GLIPR1L1: variants seen among roughly 807,000 people sequenced by gnomAD.
GLIPR1L1 encodes GLIPR1-like protein 1.
In GLIPR1L1, 26 loss-of-function variants were observed where a neutral mutation model predicts 29.9. The ratio of observed to expected loss-of-function variants is 0.87; its 90% CI spans 0.64 to 1.21. GLIPR1L1 has a LOEUF of 1.21. Ranked by LOEUF, GLIPR1L1 falls within the 50% of genes most tolerant of loss-of-function variation. GLIPR1L1 has a pLI of 0.00. For missense variants in GLIPR1L1, 305 were observed against 290.3 expected (o/e 1.05, Z -0.37); for synonymous variants, 77 against 97.5 (o/e 0.79, Z 1.24).
chr12:75,349,935 C>T (rs2042694000), intron 3 of GLIPR1L1, among the ~76,000 whole-genome samples: 1 of 152,228 alleles, frequency 6.6e-6, no homozygotes, highest in East Asian at 1.9e-4. Flanking sequence ...GATTTCCTTA[C>T]ATTGGACTCC....
chr12:75,338,475 T>C (rs1193079893), intron 1 of GLIPR1L1, among the ~76,000 whole-genome samples: 1 of 152,190 alleles, frequency 6.6e-6, no homozygotes, highest in Non-Finnish European at 1.5e-5. Flanking sequence ...ATGAAAACCA[T>C]TTGGTAAAAC....
intron 4 of GLIPR1L1, among the ~76,000 whole-genome samples, chr12:75,366,261 C>G (rs895514751): frequency 6.6e-6 from 1 of 152,010 alleles, no homozygotes; most frequent in African/African-American, 2.4e-5. Context: ...TATTTCAGAA[C>G]TTAAGCCATA....
intron 2 of GLIPR1L1, among the ~76,000 whole-genome samples, chr12:75,345,556 A>G: frequency 6.6e-6 from 1 of 152,154 alleles, no homozygotes; most frequent in Non-Finnish European, 1.5e-5. Context: ...GGTGCAGTGA[A>G]CAAATAATAG....
chr12:75,342,809 A>G (rs2042204127), intron 1 of GLIPR1L1, among the ~76,000 whole-genome samples: 1 of 152,040 alleles, frequency 6.6e-6, no homozygotes, highest in African/African-American at 2.4e-5. Flanking sequence ...TGAACATTTT[A>G]TATCTCTCCA....
Position 75,370,166 on chromosome 12 carries a change from G to A in GLIPR1L1, c.719G>A (p.Arg240Lys). ...NPFSLGFLLL[R>K]IF ...TTCAGCTTAGGTTTTCTTCTTCTGA[G>A]AATCTTTTAATGTCATTTATATACA... The change falls in exon 6 of 6, where the codon AGA becomes AAA. Residue 240 changes from arginine (R) to lysine (K), a missense_variant. By Grantham distance (26) the Arg-to-Lys change is conservative. Transcript: ENST00000378695. 2 of 1,534,136 alleles carry A rather than the reference G, an allele frequency of 1.3e-6. No homozygotes were observed. The highest frequency in any genetic ancestry group is 1.8e-6 in the Non-Finnish European group (2 of 1,109,752).
chr12:75,367,268 G>GAA (rs35250320), intron 4 of GLIPR1L1, among the ~76,000 whole-genome samples: 34 of 88,666 alleles, frequency 3.8e-4, no homozygotes, highest in South Asian at 8.3e-4. Flanking sequence ...TTCCTAGGAG[G>GAA]AAAAAAAAAA....
intron 1 of GLIPR1L1, among the ~76,000 whole-genome samples, chr12:75,342,184 C>T (rs1022739004): frequency 4.6e-5 from 7 of 152,180 alleles, no homozygotes; most frequent in African/African-American, 1.4e-4. Flanking sequence ...GGTGTTGAAA[C>T]AGTGCTGTAT....
intron 4 of GLIPR1L1, 165 bp from the exon 5 acceptor site, chr12:75,369,793 AAG>A: frequency 3.1e-6 from 3 of 982,320 alleles, no homozygotes; most frequent in Non-Finnish European, 1.2e-6. Flanking sequence ...AAGCATCGTA[AAG>A]AGTTTTAAGT....
chr12:75,341,881 TG>T (rs1296541339), intron 1 of GLIPR1L1, among the ~76,000 whole-genome samples: 7 of 151,496 alleles, frequency 4.6e-5, no homozygotes, highest in African/African-American at 1.7e-4. Context: ...CCTGAGTAGT[TG>T]GGATTACAAG....
At chr12:75,340,652 C>T (rs1182022373) in intron 1 of GLIPR1L1, among the ~76,000 whole-genome samples, 2 of 150,226 alleles carry the variant, frequency 1.3e-5, no homozygotes, top group African/African-American at 4.9e-5. Context: ...GGACAAACTA[C>T]AAACTAGGAG....
In GLIPR1L1 at chr12:75,345,488, C is replaced by T. The variant is rs914119868; in HGVS notation, c.420+1550C>T. ...GAGCTAACCTTCTTCTCTAGACTTA[C>T]CCATTTGTATAAGTTGAATTAATAT... is the stretch of plus-strand genomic sequence containing the variant. On this transcript the variant is annotated intron_variant, in intron 2 of 5. Transcript: ENST00000378695. Among the ~76,000 whole-genome samples, 11 of 152,186 alleles carry T rather than the reference C, an allele frequency of 7.2e-5. No homozygotes were observed. The South Asian group carries it at 1.9e-3, about 26-fold the overall frequency.
intron 3 of GLIPR1L1, among the ~76,000 whole-genome samples, chr12:75,353,289 C>T (rs2042933495): frequency 6.6e-6 from 1 of 151,964 alleles, no homozygotes; most frequent in South Asian, 2.1e-4. Flanking sequence ...ATCAAATAGA[C>T]ACAATAAAAA....
At chr12:75,338,366 A>G (rs1485404028) in intron 1 of GLIPR1L1, among the ~76,000 whole-genome samples, 1 of 152,202 alleles carries the variant, frequency 6.6e-6, no homozygotes, top group Non-Finnish European at 1.5e-5. Context: ...AAAATCTGTG[A>G]GAAATCTGAC....
intron 3 of GLIPR1L1, chr12:75,360,040 C>T (rs1447823203): frequency 2.6e-5 from 4 of 152,150 alleles, no homozygotes; most frequent in African/African-American, 9.7e-5. Flanking sequence ...ATCTTTAAAA[C>T]CATCAGATCT....
intron 3 of GLIPR1L1, among the ~76,000 whole-genome samples, chr12:75,350,174 A>AG (rs1454214573): frequency 1.3e-5 from 2 of 152,246 alleles, no homozygotes; most frequent in Non-Finnish European, 2.9e-5. Flanking sequence ...CCTTCTTGCC[A>AG]GGCAGGGCCT....
intron 2 of GLIPR1L1, among the ~76,000 whole-genome samples, chr12:75,344,645 T>A (rs547449930): frequency 1.3e-5 from 2 of 152,262 alleles, no homozygotes; most frequent in African/African-American, 4.8e-5. Flanking sequence ...AATCGAATTT[T>A]CTTCCATCAT....
chr12:75,353,142 G>C (rs1477244820), intron 3 of GLIPR1L1, among the ~76,000 whole-genome samples: 1 of 151,940 alleles, frequency 6.6e-6, no homozygotes, highest in Non-Finnish European at 1.5e-5. Context: ...AAAAAGCCAA[G>C]ATCAGAGTGA....
intron 4 of GLIPR1L1, among the ~76,000 whole-genome samples, chr12:75,368,705 T>C (rs1397987489): frequency 1.3e-5 from 2 of 152,002 alleles, no homozygotes; most frequent in African/African-American, 4.8e-5. Context: ...AGACTCATTT[T>C]AAAAAGTTGG....
intron 1 of GLIPR1L1, among the ~76,000 whole-genome samples, chr12:75,340,040 T>TTCAATTA (rs2041997457): frequency 6.6e-6 from 1 of 152,086 alleles, no homozygotes; most frequent in Non-Finnish European, 1.5e-5. Flanking sequence ...ATTAGAATAA[T>TTCAATTA]GGTCTCCAAC....
Sources: gnomAD v4.1 joint callset for allele counts (sites outside exome capture counted in the v4.1 genomes callset) on GRCh38, gnomAD v4.1.1 for gene constraint, MANE v1.5 for transcripts, NCBI Gene and HGNC (gene_info 2026-07-23, HGNC 2026-07-21) for gene names.